Variants in AJAP1 observed in about 807,000 individuals in gnomAD.
AJAP1 encodes the protein adherens junctions associated protein 1, also known as adherens junction-associated protein 1.
A neutral mutation model predicts 35.0 loss-of-function variants in AJAP1; 5 were observed. The observed-to-expected ratio is 0.14, with a 90% CI of 0.07 to 0.30. AJAP1 has a LOEUF of 0.30. AJAP1 is among the 10% of genes least tolerant of loss of function. The pLI is 1.00. For missense variants in AJAP1, 586 were observed against 571.0 expected (o/e 1.03, Z -0.27); for synonymous variants, 284 against 249.3 (o/e 1.14, Z -1.31).
chr1:4,710,502 C>T (rs1215955393), intron 1 of AJAP1, among the ~76,000 whole-genome samples: 1 of 152,228 alleles, frequency 6.6e-6, no homozygotes, highest in Admixed American at 6.5e-5. Context: ...CACACACTCA[C>T]ACACTTGCGT....
chr1:4,703,380 C>T (rs1640031766), intron 1 of AJAP1, among the ~76,000 whole-genome samples: 1 of 151,992 alleles, frequency 6.6e-6, no homozygotes, highest in Non-Finnish European at 1.5e-5. Context: ...TCTGCACCGT[C>T]CTGGTGGTGA....
In AJAP1 at chr1:4,679,811, GTGTGTGTGTGT is replaced by G. The variant is rs1557605853; in HGVS notation, c.29+24358_29+24368del. Among the ~76,000 whole-genome samples the G allele has an allele frequency of 2.3e-4, 13 of 57,348 alleles. No homozygotes were observed. In the East Asian group the frequency reaches 3.5e-3, roughly 15 times the overall value. The allele number at this position is 57,348 out of a possible 152,430, so 37.6% of individuals were successfully genotyped here. On this transcript the variant is annotated intron_variant, in intron 1 of 5. Transcript: ENST00000378191. Reference sequence around the variant, plus strand: ...TGCTTAGAAACAGAACCAATAGGGTGTGTGTGTGTGTGTGTGTGTGTGTGTGTGTGTGTGTG... The same window carrying G: ...TGCTTAGAAACAGAACCAATAGGGTGGTGTGTGTGTGTGTGTGTGTGTGTG...
chr1:4,731,419 G>C (rs1320317008), intron 2 of AJAP1, among the ~76,000 whole-genome samples: 1 of 152,220 alleles, frequency 6.6e-6, no homozygotes, highest in African/African-American at 2.4e-5. Flanking sequence ...GCTGACATTT[G>C]CTCAAACTCC....
intron 1 of AJAP1, among the ~76,000 whole-genome samples, chr1:4,670,356 G>T (rs918700402): frequency 6.6e-6 from 1 of 152,212 alleles, no homozygotes; most frequent in African/African-American, 2.4e-5. Flanking sequence ...ATTGCCCCGG[G>T]ATGAATCTTA....
At chr1:4,676,305 T>C (rs1017618126) in intron 1 of AJAP1, among the ~76,000 whole-genome samples, 1 of 151,816 alleles carries the variant, frequency 6.6e-6, no homozygotes. Flanking sequence ...GTGAAGGGAG[T>C]GAAAATTGAG....
At chr1:4,761,848 C>T (rs1641574257) in intron 2 of AJAP1, among the ~76,000 whole-genome samples, 1 of 152,182 alleles carries the variant, frequency 6.6e-6, no homozygotes, top group Admixed American at 6.5e-5. Context: ...TGCTTTTATT[C>T]TGGCTGTGCT....
At chr1:4,716,546 GGAT>G (rs914245157) in intron 2 of AJAP1, among the ~76,000 whole-genome samples, 4 of 151,698 alleles carry the variant, frequency 2.6e-5, no homozygotes, top group African/African-American at 4.8e-5. Context: ...GTGATGATGG[GGAT>G]GATGATGAGG....
intron 1 of AJAP1, among the ~76,000 whole-genome samples, chr1:4,661,585 T>C (rs1160451545): frequency 2.6e-5 from 4 of 152,248 alleles, no homozygotes; most frequent in Admixed American, 1.3e-4. Context: ...TCTTGTCTTA[T>C]ACAAAATCTA....
chr1:4,720,238 G>A lies in AJAP1; in HGVS notation c.829+7539G>A, dbSNP rs117295623. On this transcript the variant is annotated intron_variant, in intron 2 of 5. Coordinates refer to ENST00000378191, the MANE Select transcript of AJAP1 (RefSeq NM_018836.4). This position sits in a 1 kb window ranked among gnomAD's most constrained non-coding sequence, Gnocchi z 4.4. The stretch of plus-strand genomic sequence containing the variant: ...GTGGTTAGACATGAAGACAGGCTTC[G>A]GGTCCCCGCTTTCGATGTGGTTCAA... Among the ~76,000 whole-genome samples the A allele has an allele frequency of 5.2e-4, 79 of 152,282 alleles. 1 individual carries two copies. The East Asian group carries it at 0.014, about 27-fold the overall frequency.
chr1:4,701,395 A>T (rs926415692), intron 1 of AJAP1, among the ~76,000 whole-genome samples: 4 of 152,194 alleles, frequency 2.6e-5, no homozygotes, highest in African/African-American at 9.6e-5. Context: ...AAGCCGTCTC[A>T]TGTCACCCCC....
chr1:4,665,623 G>A (rs1289557322), intron 1 of AJAP1, among the ~76,000 whole-genome samples: 1 of 152,234 alleles, frequency 6.6e-6, no homozygotes, highest in Non-Finnish European at 1.5e-5. Context: ...CACGCAAGTG[G>A]TCCCCCGAGA....
intron 1 of AJAP1, among the ~76,000 whole-genome samples, chr1:4,688,399 T>C (rs1025464243): frequency 1.3e-5 from 2 of 152,120 alleles, no homozygotes; most frequent in African/African-American, 4.8e-5. Context: ...CGGTCTTATG[T>C]AGTGAAAACA....
rs1213887727 is a variant in AJAP1, at chr1:4,654,822, C to G, written c.-604C>G. The G allele has an allele frequency of 2.0e-5, 3 of 150,614 alleles. No individual in the cohort carries two copies. Among genetic ancestry groups the G allele is most frequent in the Non-Finnish European group, 4.4e-5 (3 of 67,614 alleles). The allele number at this position is 150,614 out of a possible 1,614,324, so 9.3% of individuals were successfully genotyped here. A position where few individuals can be genotyped will look rare whatever the true frequency, so the allele number is the denominator to read the frequency against. On this transcript the variant is annotated 5_prime_UTR_variant, in exon 1 of 6. Coordinates refer to ENST00000378191, the MANE Select transcript of AJAP1 (RefSeq NM_018836.4). The surrounding 1 kb of genome is among the most constrained non-coding windows in gnomAD (Gnocchi z 5.1). ...GGGCCGCGGCCGTCTGCAGAGCGAG[C>G]GCTCAGACGGAGCCCCCGGGCAACT...
intron 1 of AJAP1, among the ~76,000 whole-genome samples, chr1:4,677,093 G>A (rs763329665): frequency 6.6e-6 from 1 of 152,220 alleles, no homozygotes; most frequent in African/African-American, 2.4e-5. Flanking sequence ...GGAGGCGGAG[G>A]TTGCGGTGAG....
At chr1:4,737,594 G>C (rs1640959914) in intron 2 of AJAP1, among the ~76,000 whole-genome samples, 1 of 152,070 alleles carries the variant, frequency 6.6e-6, no homozygotes, top group African/African-American at 2.4e-5. Flanking sequence ...CCTTGTTGTG[G>C]GTTTTAAAGA....
At chr1:4,755,481 C>A (rs982856583) in intron 2 of AJAP1, among the ~76,000 whole-genome samples, 1 of 152,086 alleles carries the variant, frequency 6.6e-6, no homozygotes, top group Non-Finnish European at 1.5e-5. Context: ...CCCTGCCTGG[C>A]CACGGGGCTC....
chr1:4,772,094 TTA>T (rs909141868), intron 3 of AJAP1, among the ~76,000 whole-genome samples, 184 bp from the exon 4 acceptor site: 1 of 39,694 alleles, frequency 2.5e-5, no homozygotes, highest in African/African-American at 9.7e-5. Context: ...TTTTTTTTTT[TTA>T]AAAAAAAAGA....
chr1:4,714,869 G>A (rs889772257), intron 2 of AJAP1, among the ~76,000 whole-genome samples: 1 of 152,170 alleles, frequency 6.6e-6, no homozygotes, highest in Non-Finnish European at 1.5e-5. Flanking sequence ...CCCTAACTGG[G>A]TTCCTCATAG....
At chr1:4,769,473 G>C (rs1245384969) in intron 2 of AJAP1, among the ~76,000 whole-genome samples, 1 of 152,148 alleles carries the variant, frequency 6.6e-6, no homozygotes, top group East Asian at 1.9e-4. Flanking sequence ...GGGAGAAAGG[G>C]GCCATGGGGA....
Sources: gnomAD v4.1 joint callset for allele counts (sites outside exome capture counted in the v4.1 genomes callset) on GRCh38, gnomAD v4.1.1 for gene constraint, Gnocchi (gnomAD v3.1) non-coding constraint, MANE v1.5 for transcripts, NCBI Gene and HGNC (gene_info 2026-07-23, HGNC 2026-07-21) for gene names.